DCLK1: variants seen among roughly 807,000 people sequenced by gnomAD.
DCLK1 encodes doublecortin like kinase 1, also known as serine/threonine-protein kinase DCLK1.
In DCLK1, 16 loss-of-function variants were observed where a neutral mutation model predicts 86.2. The observed-to-expected ratio is 0.19, with a 90% CI of 0.13 to 0.28. The LOEUF is 0.28. Ranked by LOEUF, DCLK1 falls within the 10% of genes least tolerant of loss-of-function variation. The pLI, the probability that DCLK1 is intolerant of heterozygous loss-of-function variation, is 1.00. For missense variants in DCLK1, 590 were observed against 940.2 expected (o/e 0.63, Z 4.87); for synonymous variants, 369 against 370.5 (o/e 1.00, Z 0.05).
chr13:36,088,386 C>T (rs995593958), intron 3 of DCLK1, among the ~76,000 whole-genome samples: 4 of 152,222 alleles, frequency 2.6e-5, no homozygotes, highest in African/African-American at 9.6e-5. Flanking sequence ...AAGCTGGCTT[C>T]TGTACTTCAG....
chr13:35,978,646 A>G (rs983394034), intron 3 of DCLK1, among the ~76,000 whole-genome samples: 3 of 152,276 alleles, frequency 2.0e-5, no homozygotes, highest in South Asian at 2.1e-4. Flanking sequence ...TATTTTACCA[A>G]TGAAATAGAA....
chr13:36,007,266 G>A (rs1405148851), intron 3 of DCLK1, among the ~76,000 whole-genome samples: 1 of 152,286 alleles, frequency 6.6e-6, no homozygotes, highest in East Asian at 1.9e-4. Context: ...AATACCAATA[G>A]TGCCTTCTTA....
intron 3 of DCLK1, among the ~76,000 whole-genome samples, chr13:36,105,483 G>C (rs1160778337): frequency 6.6e-6 from 1 of 152,080 alleles, no homozygotes; most frequent in African/African-American, 2.4e-5. Flanking sequence ...ATATACAGAT[G>C]ATGAAACTGA....
chr13:36,002,666 C>T (rs1880771625), intron 3 of DCLK1, among the ~76,000 whole-genome samples: 1 of 152,140 alleles, frequency 6.6e-6, no homozygotes, highest in African/African-American at 2.4e-5. Context: ...TAGGAAAAGG[C>T]TGTCTCTGGC....
intron 2 of DCLK1, among the ~76,000 whole-genome samples, chr13:36,114,821 G>A (rs745433586): frequency 6.6e-6 from 1 of 152,122 alleles, no homozygotes; most frequent in African/African-American, 2.4e-5. Context: ...ATTAACAAAC[G>A]TGATTGTTCT....
chr13:35,878,185 T>C (rs1216619514), intron 4 of DCLK1, among the ~76,000 whole-genome samples: 3 of 152,240 alleles, frequency 2.0e-5, no homozygotes, highest in Non-Finnish European at 4.4e-5. Context: ...CTGGTTGAGC[T>C]GAACAAAGCC....
chr13:36,041,475 T>C (rs113601429), intron 3 of DCLK1, among the ~76,000 whole-genome samples: 5 of 152,304 alleles, frequency 3.3e-5, no homozygotes, highest in African/African-American at 1.2e-4. Flanking sequence ...ATCTTACAGA[T>C]TTCACTCACT....
intron 3 of DCLK1, among the ~76,000 whole-genome samples, chr13:36,057,196 A>G (rs1219508908): frequency 1.3e-5 from 2 of 152,152 alleles, no homozygotes; most frequent in African/African-American, 4.8e-5. Context: ...CACATCAGTG[A>G]TATGTTCTCC....
At chr13:35,831,183 A>G (rs764529747) in intron 8 of DCLK1, among the ~76,000 whole-genome samples, 1 of 152,178 alleles carries the variant, frequency 6.6e-6, no homozygotes, top group Non-Finnish European at 1.5e-5. Context: ...ATCTACTCAT[A>G]TTTCATAGTG....
intron 6 of DCLK1, chr13:35,846,160 T>C: frequency 5.1e-6 from 5 of 985,300 alleles, no homozygotes; most frequent in Non-Finnish European, 6.0e-6. Context: ...TAACACAAAA[T>C]GTTTTTTTTT....
At chr13:35,866,485 C>T (rs1433209897) in intron 5 of DCLK1, among the ~76,000 whole-genome samples, 1 of 83,418 alleles carries the variant, frequency 1.2e-5, no homozygotes, top group African/African-American at 4.2e-5. Context: ...CAGGGTCTCA[C>T]TCAGTCATCC....
At chr13:35,784,195 C>T (rs1404284789) in intron 16 of DCLK1, among the ~76,000 whole-genome samples, 1 of 152,128 alleles carries the variant, frequency 6.6e-6, no homozygotes, top group Non-Finnish European at 1.5e-5. Context: ...TGATACTACA[C>T]AATTTTCAGT....
chr13:35,958,521 C>T (rs1878274575), intron 3 of DCLK1, among the ~76,000 whole-genome samples: 1 of 151,702 alleles, frequency 6.6e-6, no homozygotes, highest in Non-Finnish European at 1.5e-5. Context: ...GTACCACCAA[C>T]AGCAGTATAA....
At chr13:35,863,164 T>TAC (rs1246129450) in intron 5 of DCLK1, among the ~76,000 whole-genome samples, 1 of 152,222 alleles carries the variant, frequency 6.6e-6, no homozygotes, top group African/African-American at 2.4e-5. Context: ...TTTGTGTATG[T>TAC]ACACTCTAGG....
At chr13:35,841,912 C>T (rs899673894) in intron 6 of DCLK1, among the ~76,000 whole-genome samples, 2 of 152,016 alleles carry the variant, frequency 1.3e-5, no homozygotes, top group Non-Finnish European at 1.5e-5. Flanking sequence ...TATTCTGCCC[C>T]ACTTCCATTC....
At chr13:36,073,576 C>T (rs1199160266) in intron 3 of DCLK1, among the ~76,000 whole-genome samples, 1 of 152,126 alleles carries the variant, frequency 6.6e-6, no homozygotes, top group Non-Finnish European at 1.5e-5. Context: ...TGAATTTGCA[C>T]AATGCTATCA....
intron 6 of DCLK1, chr13:35,846,548 T>A: frequency 1.0e-6 from 1 of 985,358 alleles, no homozygotes. Flanking sequence ...AAAATTATAG[T>A]GAGGGCCTCT....
At chr13:36,054,925 A>G (rs1593850801) in intron 3 of DCLK1, among the ~76,000 whole-genome samples, 1 of 152,164 alleles carries the variant, frequency 6.6e-6, no homozygotes, top group Admixed American at 6.5e-5. Flanking sequence ...GGGGATATGA[A>G]CCATGGCATC....
intron 3 of DCLK1, among the ~76,000 whole-genome samples, chr13:36,053,464 T>TA (rs1883194675): frequency 6.6e-6 from 1 of 152,082 alleles, no homozygotes; most frequent in Admixed American, 6.6e-5. Flanking sequence ...CAACCAATAC[T>TA]TATTTACCGT....
Sources: gnomAD v4.1 joint callset for allele counts (sites outside exome capture counted in the v4.1 genomes callset) on GRCh38, gnomAD v4.1.1 for gene constraint, MANE v1.5 for transcripts, NCBI Gene and HGNC (gene_info 2026-07-23, HGNC 2026-07-21) for gene names.